Variants in SLC33A2 observed in about 807,000 individuals in gnomAD.
The protein encoded by SLC33A2 is solute carrier family 33 member 2.
At chr8:144,510,076 T>G in the SLC33A2 span, 3 of 1,531,474 alleles carry the variant, frequency 2.0e-6, no homozygotes, top group Non-Finnish European at 2.6e-6. Context: ...TCCAGGTGTG[T>G]CCCCAGGGGC....
chr8:144,510,359 G>A, the SLC33A2 span: 6 of 1,611,916 alleles, frequency 3.7e-6, no homozygotes, highest in Non-Finnish European at 5.1e-6. Context: ...CACCACCCAA[G>A]GTGAGCAGGG....
At chr8:144,509,160 C>T in the SLC33A2 span, 6 of 625,382 alleles carry the variant, frequency 9.6e-6, no homozygotes, top group Non-Finnish European at 1.5e-5. Context: ...TGTTGATGCT[C>T]CTAAAGCCCG....
chr8:144,509,457 C>G, the SLC33A2 span: 16 of 1,535,460 alleles, frequency 1.0e-5, no homozygotes, highest in Non-Finnish European at 1.1e-5. Flanking sequence ...GCGCGTGGGG[C>G]TGGCCAAGGT....
chr8:144,510,286 G>C, the SLC33A2 span: 3 of 1,586,686 alleles, frequency 1.9e-6, no homozygotes, highest in Non-Finnish European at 2.6e-6. Context: ...GCAGGACTGA[G>C]GGCCCAGGTG....
the SLC33A2 span, chr8:144,509,405 C>T: frequency 2.6e-6 from 4 of 1,527,714 alleles, no homozygotes; most frequent in African/African-American, 1.4e-5. Flanking sequence ...TCCAGTCCGG[C>T]CTCCTGCCAG....
chr8:144,510,901 C>T, the SLC33A2 span: 2 of 1,604,888 alleles, frequency 1.2e-6, no homozygotes, highest in South Asian at 2.2e-5. Context: ...CAGGGCCCTG[C>T]AGGTGAGTAG....
the SLC33A2 span, chr8:144,509,780 A>AGCTGGGGGCGCGCT: frequency 6.4e-7 from 1 of 1,554,626 alleles, no homozygotes; most frequent in South Asian, 1.2e-5. Flanking sequence ...GGGCCGCGCT[A>AGCTGGGGGCGCGCT]GCTGGGGGCG....
the SLC33A2 span, chr8:144,509,851 C>T: frequency 6.5e-7 from 1 of 1,538,332 alleles, no homozygotes; most frequent in African/African-American, 1.4e-5. Flanking sequence ...CTGGCTGCCA[C>T]CTACTGGCTG....
the SLC33A2 span, chr8:144,510,529 C>T: frequency 1.2e-6 from 2 of 1,612,190 alleles, no homozygotes; most frequent in South Asian, 1.1e-5. Flanking sequence ...CCAGTGTACC[C>T]TGCCCACCCA....
the SLC33A2 span, chr8:144,510,389 C>G: frequency 6.2e-7 from 1 of 1,612,696 alleles, no homozygotes; most frequent in Non-Finnish European, 8.5e-7. Context: ...CCTGTTTCCT[C>G]TTCTCCTGCT....
chr8:144,510,032 G>A, the SLC33A2 span: 7 of 1,586,704 alleles, frequency 4.4e-6, no homozygotes, highest in South Asian at 6.7e-5. Flanking sequence ...GAGGCCTCGA[G>A]CCAGGCAACA....
At chr8:144,510,518 C>T in the SLC33A2 span, 2 of 1,612,428 alleles carry the variant, frequency 1.2e-6, no homozygotes, top group Non-Finnish European at 8.5e-7. Flanking sequence ...GTGAGCCCTC[C>T]CCAGTGTACC....
chr8:144,510,232 T>C, the SLC33A2 span: 1 of 1,452,470 alleles, frequency 6.9e-7, no homozygotes, highest in Non-Finnish European at 9.3e-7. Flanking sequence ...GCTGCCCCAC[T>C]TCTCCCCCAG....
chr8:144,510,196 A>G, the SLC33A2 span: 1 of 1,296,748 alleles, frequency 7.7e-7, no homozygotes, highest in African/African-American at 1.5e-5. Flanking sequence ...CCCCAGCTCT[A>G]GCCCCATCCC....
the SLC33A2 span, chr8:144,510,103 G>A: frequency 2.8e-6 from 4 of 1,445,918 alleles, no homozygotes; most frequent in South Asian, 5.2e-5. Context: ...CCCATTACAG[G>A]GCCACGCTCT....
At chr8:144,509,305 T>A in the SLC33A2 span, 1 of 1,431,046 alleles carries the variant, frequency 7.0e-7, no homozygotes, top group Non-Finnish European at 9.1e-7. Context: ...GAACCCGACC[T>A]CCCAGCCTCG....
At chr8:144,511,086 T>C in the SLC33A2 span, 1 of 1,609,324 alleles carries the variant, frequency 6.2e-7, no homozygotes, top group Non-Finnish European at 8.5e-7. Flanking sequence ...TGGGGCCACA[T>C]CCCTGCTTCT....
At chr8:144,510,090 C>T in the SLC33A2 span, 6 of 1,487,932 alleles carry the variant, frequency 4.0e-6, no homozygotes, top group Non-Finnish European at 5.4e-6. Flanking sequence ...CAGGGGCTTG[C>T]AACCCATTAC....
the SLC33A2 span, chr8:144,510,002 C>T: frequency 1.9e-6 from 3 of 1,595,282 alleles, no homozygotes; most frequent in Admixed American, 1.7e-5. Context: ...GCTTTGTGCT[C>T]ACCTACAAGC....
Sources: gnomAD v4.1 joint callset for allele counts on GRCh38, gnomAD v4.1.1 for gene constraint, MANE v1.5 for transcripts, NCBI Gene and HGNC (gene_info 2026-07-23, HGNC 2026-07-21) for gene names.